The following HECW2 variants were observed in gnomAD, a reference collection of about 807,000 sequenced individuals.
The protein encoded by HECW2 is E3 ubiquitin-protein ligase HECW2.
HECW2 carries 61 observed loss-of-function variants against 175.2 expected under a neutral mutation model. That is an observed-to-expected ratio of 0.35 (90% CI 0.28 to 0.43). HECW2 has a LOEUF of 0.43. HECW2 is among the 20% of genes least tolerant of loss of function. HECW2 has a pLI of 1.00. For missense variants in HECW2, 1,524 were observed against 2,000.5 expected, an observed-to-expected ratio of 0.76 and a Z score of 4.54; for synonymous variants, 671 against 731.0, an observed-to-expected ratio of 0.92 and a Z score of 1.32.
At chr2:196,419,150 A>G (rs1695339060) in intron 2 of HECW2, among the ~76,000 whole-genome samples, 2 of 152,222 alleles carry the variant, frequency 1.3e-5, no homozygotes, top group South Asian at 4.1e-4. Flanking sequence ...AGCATGGAGA[A>G]AGACAAATTA....
At chr2:196,560,656 A>C (rs910040805) in intron 1 of HECW2, among the ~76,000 whole-genome samples, 4 of 152,220 alleles carry the variant, frequency 2.6e-5, no homozygotes, top group Admixed American at 2.0e-4. Context: ...AGCTTTTCTC[A>C]AAGTGGACTC....
intron 1 of HECW2, among the ~76,000 whole-genome samples, chr2:196,482,219 C>A (rs1167579094): frequency 6.6e-6 from 1 of 152,220 alleles, no homozygotes; most frequent in Non-Finnish European, 1.5e-5. Context: ...CATGCAAGGG[C>A]CTTGTCCCAT....
intron 2 of HECW2, chr2:196,362,194 T>A (rs1693609539): frequency 1.0e-6 from 1 of 985,348 alleles, no homozygotes; most frequent in Admixed American, 6.2e-5. Flanking sequence ...ATGTATCACA[T>A]CCCCTCGGCT....
At chr2:196,530,680 A>T (rs1231168473) in intron 1 of HECW2, among the ~76,000 whole-genome samples, 1 of 152,240 alleles carries the variant, frequency 6.6e-6, no homozygotes, top group East Asian at 1.9e-4. Context: ...ATTCATAAAC[A>T]ACTAAATATA....
At chr2:196,514,641 C>A (rs1481528738) in intron 1 of HECW2, among the ~76,000 whole-genome samples, 1 of 152,176 alleles carries the variant, frequency 6.6e-6, no homozygotes, top group African/African-American at 2.4e-5. Context: ...CATAAAAAAT[C>A]TGAGACTCAC....
intron 17 of HECW2, 165 bp from the exon 18 acceptor site, chr2:196,258,071 T>C: frequency 1.9e-6 from 1 of 536,936 alleles, no homozygotes; most frequent in Non-Finnish European, 3.3e-6. Context: ...GACATGGTCT[T>C]TGCCTTCAAG....
intron 10 of HECW2, among the ~76,000 whole-genome samples, chr2:196,314,632 C>A (rs1691621606): frequency 6.6e-6 from 1 of 152,190 alleles, no homozygotes; most frequent in African/African-American, 2.4e-5. Context: ...CTATTAATTA[C>A]AGACAAGACC....
intron 1 of HECW2, among the ~76,000 whole-genome samples, chr2:196,527,549 G>T (rs1448112944): frequency 6.6e-6 from 1 of 152,226 alleles, no homozygotes; most frequent in Admixed American, 6.5e-5. Context: ...AAATGGGCTT[G>T]CCCAAGCTCA....
Position 196,382,681 on chromosome 2 carries a change from C to T in HECW2, c.293-38917G>A, listed in dbSNP as rs147350046. Among the ~76,000 whole-genome samples, 898 of 152,048 alleles carry T rather than the reference C, an allele frequency of 5.9e-3. 20 individuals carry two copies. The highest frequency in any genetic ancestry group is 0.021 in the African/African-American group (866 of 41,400). On this transcript the variant is annotated intron_variant, in intron 2 of 28. Transcript: ENST00000644978. ...ATTCTCTGTCTTGTAGCAATACGTG[C>T]CCTACTTTGTCTTCATTATTTATAA...
intron 1 of HECW2, among the ~76,000 whole-genome samples, chr2:196,440,903 T>A (rs1475848674): frequency 6.6e-6 from 1 of 152,034 alleles, no homozygotes; most frequent in Non-Finnish European, 1.5e-5. Context: ...TAGCACTCCT[T>A]AAAAAATTAA....
chr2:196,320,467 C>A, intron 7 of HECW2, 28 bp from the exon 8 acceptor site: 1 of 1,463,302 alleles, frequency 6.8e-7, no homozygotes, highest in Non-Finnish European at 9.5e-7. Context: ...CTTCTTTCAT[C>A]CTGACTACGC....
intron 1 of HECW2, among the ~76,000 whole-genome samples, chr2:196,567,053 GTCATAAGATTAAATTC>G (rs1450467266): frequency 5.9e-5 from 9 of 152,132 alleles, no homozygotes; most frequent in African/African-American, 2.2e-4. Context: ...TGCAGGCATA[GTCATAAGATTAAATTC>G]TCACTGATGA....
At position 196,343,670 on chromosome 2, in the gene HECW2, G is replaced by A; in HGVS notation, c.387C>T (p.Pro129=). Residue 129 remains proline (P), a synonymous_variant, in exon 3 of 29, where the codon CCC becomes CCT. Transcript: ENST00000644978. ...TTAGTTACTTACGTTCCATGAAATA[G>A]GGCCCAGGCTCAATTCTCCATACAA... ...GQIVWRIEPG[P]YFMEPEIKIC... is the part of the protein sequence containing the mutation. 6.2e-7 allele frequency: 1 copy of A among 1,609,136 alleles called. No homozygotes were observed. The highest frequency in any genetic ancestry group is 8.5e-7 in the Non-Finnish European group (1 of 1,175,692).
At chr2:196,380,858 T>TGC (rs1694189125) in intron 2 of HECW2, among the ~76,000 whole-genome samples, 1 of 152,244 alleles carries the variant, frequency 6.6e-6, no homozygotes, top group Admixed American at 6.5e-5. Flanking sequence ...AAGCCTACTG[T>TGC]GCTGAGTTCA....
At chr2:196,242,848 A>G (rs1688510738) in intron 19 of HECW2, 1 of 152,254 alleles carries the variant, frequency 6.6e-6, no homozygotes, top group South Asian at 2.1e-4. Context: ...GCCTGCCACC[A>G]TGCCCAGCTA....
At chr2:196,320,961 G>A (rs1336385731) in intron 7 of HECW2, among the ~76,000 whole-genome samples, 1 of 152,240 alleles carries the variant, frequency 6.6e-6, no homozygotes, top group Non-Finnish European at 1.5e-5. Flanking sequence ...CTGGGACTTA[G>A]GGGAGAGAAG....
chr2:196,459,185 G>A (rs567111424), intron 1 of HECW2, among the ~76,000 whole-genome samples: 3 of 152,252 alleles, frequency 2.0e-5, no homozygotes, highest in South Asian at 4.1e-4. Context: ...GTACCACTTC[G>A]GATCAGATTA....
At chr2:196,410,150 A>G (rs1327601956) in intron 2 of HECW2, among the ~76,000 whole-genome samples, 1 of 152,202 alleles carries the variant, frequency 6.6e-6, no homozygotes, top group Non-Finnish European at 1.5e-5. Flanking sequence ...CTGAAAAAAA[A>G]TGGAAATGTT....
chr2:196,469,341 T>A (rs111665407), intron 1 of HECW2, among the ~76,000 whole-genome samples: 4,285 of 152,112 alleles, frequency 0.028, 86 homozygotes, highest in Middle Eastern at 0.065. Context: ...TTATATATTT[T>A]AAAAATGGGG....
Sources: allele counts gnomAD v4.1 joint callset (sites outside exome capture counted in the v4.1 genomes callset), GRCh38; gene constraint gnomAD v4.1.1; transcripts MANE v1.5; gene names NCBI Gene and HGNC (gene_info 2026-07-23, HGNC 2026-07-21).